AKR7A3: variants seen among roughly 807,000 people sequenced by gnomAD.
The protein encoded by AKR7A3 is AFB1 aldehyde reductase 2.
Under a neutral mutation model 32.5 loss-of-function variants are expected in AKR7A3, and 37 were observed. That is an observed-to-expected ratio of 1.14 (90% CI 0.88 to 1.50). The LOEUF is 1.50. AKR7A3 is among the 40% of genes most tolerant of loss of function. The pLI, the probability that AKR7A3 is intolerant of heterozygous loss-of-function variation, is 0.00. For synonymous variants in AKR7A3, 177 were observed against 188.4 expected (o/e 0.94, Z 0.50); for missense variants, 412 against 453.2 (o/e 0.91, Z 0.83).
the AKR7A3 span, among the ~76,000 whole-genome samples, chr1:19,274,666 C>T: frequency 6.6e-6 from 1 of 151,602 alleles, no homozygotes; most frequent in East Asian, 1.9e-4. Flanking sequence ...AACAAACTGA[C>T]TGACTGTGGT....
downstream of AKR7A3, among the ~76,000 whole-genome samples, chr1:19,279,662 C>A (rs2093715982): frequency 6.6e-6 from 1 of 151,784 alleles, no homozygotes; most frequent in Admixed American, 6.6e-5. Flanking sequence ...TTTTTATTTC[C>A]CTCATGGGTA....
chr1:19,285,878 T>G lies in AKR7A3; in HGVS notation c.507+10A>C, dbSNP rs2995179. 3.1e-6 allele frequency: 5 copies of G among 1,613,418 alleles called. No individual in the cohort carries two copies. Among genetic ancestry groups the G allele is most frequent in the East Asian group, 2.2e-5 (1 of 44,906 alleles). On this transcript the variant is annotated intron_variant, in intron 3 of 6. Coordinates refer to ENST00000361640, the MANE Select transcript of AKR7A3 (RefSeq NM_012067.3). ...CTGGAGACCTTGGCCTCTGCAGCCC[T>G]GGCTCTCACCTGGTACACAGTGGGC...
chr1:19,285,971 G>C lies in AKR7A3; in HGVS notation c.424C>G (p.Leu142Val). The part of the protein sequence containing the change: ...HQEGKFVELG[L>V]SNYAAWEVAE... Reference sequence around the variant, plus strand: ...ACTTCCCAGGCTGCATAGTTGGAGAGGCCAAGCTCCACGAACTTGCCCTGC... The same window carrying C: ...ACTTCCCAGGCTGCATAGTTGGAGACGCCAAGCTCCACGAACTTGCCCTGC... The change falls in exon 3 of 7, where the codon CTC becomes GTC. Residue 142 changes from leucine (L) to valine (V), a missense_variant. Leu to Val is a conservative substitution (Grantham distance 32). Coordinates refer to ENST00000361640, the MANE Select transcript of AKR7A3 (RefSeq NM_012067.3). 2.5e-6 allele frequency: 4 copies of C among 1,613,730 alleles called. No individual in the cohort carries two copies. The highest frequency in any genetic ancestry group is 3.4e-6 in the Non-Finnish European group (4 of 1,179,952).
downstream of AKR7A3, among the ~76,000 whole-genome samples, chr1:19,280,863 C>T (rs1193929832): frequency 6.6e-6 from 1 of 151,838 alleles, no homozygotes; most frequent in Non-Finnish European, 1.5e-5. Flanking sequence ...AGCCACCGCG[C>T]CCGGCCTAAA....
rs1360131931 is a variant in AKR7A3, at chr1:19,285,124, G to T, written c.508-10C>A. The T allele has an allele frequency of 1.2e-5, 20 of 1,613,334 alleles. No homozygotes were observed. Among genetic ancestry groups the T allele is most frequent in the Non-Finnish European group, 1.6e-5 (19 of 1,179,786 alleles). On this transcript the variant is annotated splice_polypyrimidine_tract_variant and intron_variant, in intron 3 of 6. Transcript: ENST00000361640. The stretch of plus-strand genomic sequence containing the variant: ...TGGCATTGTACATGCCCTGTAAGGA[G>T]AGGGGCCCCGGGGGAGAGGGTGGAT...
intron 3 of AKR7A3, 85 bp from the exon 4 acceptor site, chr1:19,285,199 G>A (rs928867913): frequency 7.7e-7 from 1 of 1,291,790 alleles, no homozygotes; most frequent in Non-Finnish European, 1.1e-6. Flanking sequence ...CCTTATTTCA[G>A]ACCTTAACAA....
rs897035646 is a variant in AKR7A3, at chr1:19,287,440, G to A, written c.214+1056C>T. Reference sequence around the variant, plus strand: ...GGATCTACCATGTGGTGAATCAGAGGAGAAATAAGACTCCACTCAGACACT... The same window carrying A: ...GGATCTACCATGTGGTGAATCAGAGAAGAAATAAGACTCCACTCAGACACT... On this transcript the variant is annotated intron_variant, in intron 1 of 6. Transcript: ENST00000361640. Among the ~76,000 whole-genome samples, 10 of 151,822 alleles carry A rather than the reference G, an allele frequency of 6.6e-5. 1 individual carries two copies. Among genetic ancestry groups the A allele is most frequent in the Non-Finnish European group, 1.0e-4 (7 of 68,034 alleles).
rs773536741 is a variant in AKR7A3, at chr1:19,282,875, C to T, written c.852G>A (p.Ala284=). Reference sequence around the variant, plus strand: ...CCAGGCTGGACATGCCCAGGATGACCGCGTCCCCGTGGGCACCCTGCAAGG... The same window carrying T: ...CCAGGCTGGACATGCCCAGGATGACTGCGTCCCCGTGGGCACCCTGCAAGG... ...HSQLQGAHGD[A]VILGMSSLEQ... The change falls in exon 7 of 7, where the codon GCG becomes GCA. Residue 284 remains alanine (A), a synonymous_variant. Coordinates refer to ENST00000361640, the MANE Select transcript of AKR7A3 (RefSeq NM_012067.3). 29 of 1,612,510 alleles carry T rather than the reference C, an allele frequency of 1.8e-5. No homozygotes were observed. The highest frequency in any genetic ancestry group is 4.0e-5 in the African/African-American group (3 of 74,108).
At chr1:19,274,986 T>A in the AKR7A3 span, among the ~76,000 whole-genome samples, 1 of 148,092 alleles carries the variant, frequency 6.8e-6, no homozygotes, top group Non-Finnish European at 1.5e-5. Context: ...TATCAATAAT[T>A]ACATTAAATA....
At position 19,284,894 on chromosome 1, in the gene AKR7A3, G is replaced by A. The variant is rs1325415342; in HGVS notation, c.605-109C>T. On this transcript the variant is annotated intron_variant, in intron 4 of 6. Coordinates refer to ENST00000361640, the MANE Select transcript of AKR7A3 (RefSeq NM_012067.3). ...GCAGGGACCCAGGAGGGCTGAAGAT[G>A]CAGCCTTTACGTCTTTGACCTCAGA... 2.6e-6 allele frequency: 4 copies of A among 1,562,286 alleles called. 1 individual carries two copies. In the African/African-American group the frequency reaches 5.5e-5, roughly 21 times the overall value.
chr1:19,282,273 T>C (rs2093719918), downstream of AKR7A3, among the ~76,000 whole-genome samples: 2 of 151,854 alleles, frequency 1.3e-5, no homozygotes, highest in South Asian at 4.2e-4. Flanking sequence ...GTGCCATCTG[T>C]ATAGTAATGA....
chr1:19,286,203 G>C lies in AKR7A3; in HGVS notation c.384C>G (p.Cys128Trp). 1 of 1,612,824 alleles carries C rather than the reference G, an allele frequency of 6.2e-7. No individual in the cohort carries two copies. The highest frequency in any genetic ancestry group is 8.5e-7 in the Non-Finnish European group (1 of 1,180,018). The change falls in exon 2 of 7, where the codon TGC becomes TGG. Residue 128 changes from cysteine to tryptophan, a missense_variant. Cys to Trp is a radical substitution (Grantham distance 215, BLOSUM62 -2). Transcript: ENST00000361640. ...CCCTCACCTCCTGGTGCAGCTGGTGGCAGGCACGCAGTGTCTCTTCCACCG... is the reference window on the plus strand; with the variant it reads ...CCCTCACCTCCTGGTGCAGCTGGTGCCAGGCACGCAGTGTCTCTTCCACCG... ...STPVEETLRA[C>W]HQLHQEGKFV...
chr1:19,287,852 C>T (rs1288092233), intron 1 of AKR7A3, among the ~76,000 whole-genome samples: 1 of 152,166 alleles, frequency 6.6e-6, no homozygotes, highest in Non-Finnish European at 1.5e-5. Context: ...CCAATAGCCT[C>T]CGACAGAGCC....
At chr1:19,275,598 T>C in the AKR7A3 span, among the ~76,000 whole-genome samples, 1 of 151,608 alleles carries the variant, frequency 6.6e-6, no homozygotes, top group Admixed American at 6.6e-5. Context: ...GCCCAGGAGT[T>C]TGAGACCAGC....
At chr1:19,286,084 G>A in intron 2 of AKR7A3, 92 bp from the exon 3 acceptor site, 1 of 1,589,000 alleles carries the variant, frequency 6.3e-7, no homozygotes, top group Non-Finnish European at 8.6e-7. Flanking sequence ...GCTGTTCCCT[G>A]CTCCACCCTG....
downstream of AKR7A3, among the ~76,000 whole-genome samples, chr1:19,282,299 A>G (rs1204934569): frequency 2.1e-5 from 3 of 143,268 alleles, no homozygotes; most frequent in Admixed American, 2.1e-4. Flanking sequence ...TTCCAGCTCT[A>G]TGAGTTCACA....
Position 19,285,121 on chromosome 1 carries a change from G to A in AKR7A3, c.508-7C>T, listed in dbSNP as rs1330276879. 6.2e-7 allele frequency: 1 copy of A among 1,613,270 alleles called. No homozygotes were observed. Among genetic ancestry groups the A allele is most frequent in the Non-Finnish European group, 8.5e-7 (1 of 1,179,814 alleles). ...TGATGGCATTGTACATGCCCTGTAAGGAGAGGGGCCCCGGGGGAGAGGGTG... is the reference window on the plus strand; with the variant it reads ...TGATGGCATTGTACATGCCCTGTAAAGAGAGGGGCCCCGGGGGAGAGGGTG... On this transcript the variant is annotated splice_polypyrimidine_tract_variant and splice_region_variant and intron_variant, in intron 3 of 6. Transcript: ENST00000361640.
chr1:19,287,451 C>G (rs1255353032), intron 1 of AKR7A3, among the ~76,000 whole-genome samples: 2 of 151,824 alleles, frequency 1.3e-5, no homozygotes, highest in Non-Finnish European at 2.9e-5. Flanking sequence ...AGAAATAAGA[C>G]TCCACTCAGA....
the AKR7A3 span, among the ~76,000 whole-genome samples, chr1:19,275,648 T>C: frequency 6.6e-6 from 1 of 151,582 alleles, no homozygotes; most frequent in East Asian, 1.9e-4. Flanking sequence ...CAAAAAGTTT[T>C]AAAAAGATTA....
Sources: gnomAD v4.1 joint callset for allele counts (sites outside exome capture counted in the v4.1 genomes callset) on GRCh38, gnomAD v4.1.1 for gene constraint, MANE v1.5 for transcripts, NCBI Gene and HGNC (gene_info 2026-07-23, HGNC 2026-07-21) for gene names.